LRRIQ4: variants seen among roughly 807,000 people sequenced by gnomAD.
LRRIQ4 encodes leucine-rich repeat and IQ domain-containing protein 4.
LRRIQ4 carries 21 observed loss-of-function variants against 40.1 expected under a neutral mutation model. That is an observed-to-expected ratio of 0.52 (90% CI 0.37 to 0.75). The LOEUF (loss-of-function observed/expected upper bound fraction) is 0.75. LRRIQ4 is among the 30% of genes least tolerant of loss of function. The pLI is 0.00. For missense variants in LRRIQ4, 655 were observed against 660.0 expected (o/e 0.99, Z 0.08); for synonymous variants, 277 against 277.1 (o/e 1.00, Z 0.00).
chr3:169,816,674 CTT>C (rs34890404), intron 1 of LRRIQ4, among the ~76,000 whole-genome samples: 6,059 of 135,974 alleles, frequency 0.045, 133 homozygotes, highest in South Asian at 0.069. Context: ...TTTTCTTCTA[CTT>C]TTTTTTTTTT....
intron 1 of LRRIQ4, among the ~76,000 whole-genome samples, chr3:169,819,287 T>A (rs945491712): frequency 6.6e-6 from 1 of 152,120 alleles, no homozygotes; most frequent in African/African-American, 2.4e-5. Context: ...GAAATATGGG[T>A]GTATATATAT....
At chr3:169,821,443 C>A (rs1366910845) in intron 1 of LRRIQ4, among the ~76,000 whole-genome samples, 1 of 151,822 alleles carries the variant, frequency 6.6e-6, no homozygotes, top group Non-Finnish European at 1.5e-5. Context: ...ACCAGCCTGG[C>A]CAACATGGTG....
In LRRIQ4 at chr3:169,822,654, C is replaced by T. The variant is rs372223482; in HGVS notation, c.733C>T (p.Leu245Phe). Reference protein sequence around the residue: ...QLSVLDLSHNLLHSIPKSFAE... With the variant: ...QLSVLDLSHNFLHSIPKSFAE... ...GTCGGTGCTCGATTTATCCCACAAC[C>T]TCCTCCACTCCATCCCGAAGAGCTT... The change falls in exon 2 of 6, where the codon CTC becomes TTC. Residue 245 changes from leucine (L) to phenylalanine (F), a missense_variant. Leu to Phe is a conservative substitution (Grantham distance 22, BLOSUM62 0). Transcript: ENST00000340806. 1.5e-5 allele frequency: 24 copies of T among 1,613,872 alleles called. No homozygotes were observed. The highest frequency in any genetic ancestry group is 5.0e-5 in the Admixed American group (3 of 60,008).
intron 1 of LRRIQ4, among the ~76,000 whole-genome samples, chr3:169,816,204 C>G (rs886465188): frequency 6.6e-6 from 1 of 152,124 alleles, no homozygotes; most frequent in Non-Finnish European, 1.5e-5. Flanking sequence ...TTTTCCTCCT[C>G]TATTTTTCAG....
chr3:169,833,780 C>A (rs575650954), intron 5 of LRRIQ4, among the ~76,000 whole-genome samples: 7 of 152,284 alleles, frequency 4.6e-5, no homozygotes, highest in South Asian at 2.1e-4. Context: ...GCCAGCCCCC[C>A]ACAACATACC....
chr3:169,818,702 T>A (rs1291203084), intron 1 of LRRIQ4, among the ~76,000 whole-genome samples: 1 of 152,250 alleles, frequency 6.6e-6, no homozygotes, highest in Non-Finnish European at 1.5e-5. Context: ...TCTGCCACTC[T>A]TTATTACCAT....
chr3:169,831,791 A>C (rs1780185238), intron 4 of LRRIQ4, among the ~76,000 whole-genome samples: 1 of 151,350 alleles, frequency 6.6e-6, no homozygotes, highest in Non-Finnish European at 1.5e-5. Context: ...AACATGGTGA[A>C]AACCCATCTC....
chr3:169,823,330 G>T (rs1303772292), intron 2 of LRRIQ4, among the ~76,000 whole-genome samples: 1 of 151,594 alleles, frequency 6.6e-6, no homozygotes, highest in Non-Finnish European at 1.5e-5. Context: ...CAGGCTCCAG[G>T]GTCTACATTC....
chr3:169,834,652 CA>C (rs1780265746), intron 5 of LRRIQ4, among the ~76,000 whole-genome samples: 1 of 152,156 alleles, frequency 6.6e-6, no homozygotes, highest in South Asian at 2.1e-4. Context: ...CACCAATTTA[CA>C]AATACTCAAA....
chr3:169,830,849 A>G (rs1373660969), intron 4 of LRRIQ4, among the ~76,000 whole-genome samples: 4 of 152,212 alleles, frequency 2.6e-5, no homozygotes, highest in African/African-American at 9.6e-5. Flanking sequence ...CATTTATTAA[A>G]ATGGAAAGGT....
At chr3:169,830,675 A>G (rs771672345) in intron 4 of LRRIQ4, 45 bp downstream of exon 4, 1 of 1,611,472 alleles carries the variant, frequency 6.2e-7, no homozygotes, top group Middle Eastern at 1.7e-4. Flanking sequence ...GTTTGTGGCC[A>G]GCATTTCCTA....
In LRRIQ4 at chr3:169,830,587, C is replaced by A. The variant is rs989811485; in HGVS notation, c.1290C>A (p.His430Gln). Residue 430 changes from histidine to glutamine, a missense_variant, in exon 4 of 6, where the codon CAC becomes CAA. Coordinates refer to ENST00000340806, the MANE Select transcript of LRRIQ4 (RefSeq NM_001080460.3). Reference protein sequence around the residue: ...MPNLEVLDCRHNLLKQLPDAI... With the variant: ...MPNLEVLDCRQNLLKQLPDAI... ...ACCTAGAAGTTCTTGATTGCCGGCA[C>A]AATTTGCTTAAGCAACTTCCAGATG... The A allele has an allele frequency of 6.2e-7, 1 of 1,613,712 alleles. No individual in the cohort carries two copies. Among genetic ancestry groups the A allele is most frequent in the African/African-American group, 1.3e-5 (1 of 74,890 alleles).
chr3:169,816,334 T>G (rs1032658676), intron 1 of LRRIQ4, among the ~76,000 whole-genome samples: 1 of 152,186 alleles, frequency 6.6e-6, no homozygotes. Flanking sequence ...CTTTGATCTT[T>G]TTACTTGCTA....
rs1178226670 is a variant in LRRIQ4 at position 169,822,628 on chromosome 3, TGTCGGTG to T, written c.708_714del (p.Val238IlefsTer20). The T allele has an allele frequency of 1.4e-5, 22 of 1,613,862 alleles. No individual in the cohort carries two copies. The highest frequency in any genetic ancestry group is 1.8e-5 in the Non-Finnish European group (21 of 1,179,906). Reference sequence around the variant, plus strand: ...GCGTCCTTGTGCCAGTGTAGCCAACTGTCGGTGCTCGATTTATCCCACAACCTCCTCC... The same window carrying T: ...GCGTCCTTGTGCCAGTGTAGCCAACTCTCGATTTATCCCACAACCTCCTCC... On this transcript the variant is annotated frameshift_variant, in exon 2 of 6. Transcript: ENST00000340806. LOFTEE classifies it high-confidence loss of function.
rs1779900291 is a variant in LRRIQ4, at chr3:169,821,966, T to C, written c.45T>C (p.His15=). ...CAGTAGAACATTCACCTAAAATTCA[T>C]CAGAGAAATGATCCACAGCACGTCA... ...IKSVEHSPKI[H]QRNDPQHVND... Residue 15 remains histidine (H), a synonymous_variant, in exon 2 of 6, where the codon CAT becomes CAC. Transcript: ENST00000340806. 6.6e-7 allele frequency: 1 copy of C among 1,509,492 alleles called. No individual in the cohort carries two copies. The highest frequency in any genetic ancestry group is 1.4e-5 in the South Asian group (1 of 71,468). 93.5% of individuals were successfully genotyped at this position (1,509,492 alleles called of 1,614,324 possible).
intron 1 of LRRIQ4, among the ~76,000 whole-genome samples, chr3:169,814,738 G>T (rs1560607507): frequency 6.6e-6 from 1 of 152,192 alleles, no homozygotes; most frequent in Non-Finnish European, 1.5e-5. Context: ...ACCTGCCTCT[G>T]CCGCCCAAAG....
At chr3:169,835,196 T>C (rs1780278376) in intron 5 of LRRIQ4, among the ~76,000 whole-genome samples, 1 of 152,162 alleles carries the variant, frequency 6.6e-6, no homozygotes, top group South Asian at 2.1e-4. Flanking sequence ...TTCTTCCAGA[T>C]TTATATCCCC....
At chr3:169,824,253 A>T (rs563656036) in intron 2 of LRRIQ4, among the ~76,000 whole-genome samples, 231 of 152,100 alleles carry the variant, frequency 1.5e-3, no homozygotes, top group African/African-American at 5.5e-3. Flanking sequence ...GCAGTGGCTC[A>T]CTCCTCTAAT....
At chr3:169,820,277 G>A (rs567575391) in intron 1 of LRRIQ4, among the ~76,000 whole-genome samples, 63 of 151,876 alleles carry the variant, frequency 4.1e-4, no homozygotes, top group African/African-American at 1.5e-3. Flanking sequence ...GTGTGTGTGT[G>A]TGTGTGTGTG....
Sources: gnomAD v4.1 joint callset for allele counts (sites outside exome capture counted in the v4.1 genomes callset) on GRCh38, gnomAD v4.1.1 for gene constraint, MANE v1.5 for transcripts, NCBI Gene and HGNC (gene_info 2026-07-23, HGNC 2026-07-21) for gene names.